The following TAF3 variants were observed in gnomAD, a reference collection of about 807,000 sequenced individuals.
TAF3 encodes transcription initiation factor TFIID subunit 3.
A neutral mutation model predicts 80.6 loss-of-function variants in TAF3; 7 were observed. The ratio of observed to expected loss-of-function variants is 0.09; its 90% CI spans 0.05 to 0.16. The LOEUF (loss-of-function observed/expected upper bound fraction) is 0.16. TAF3 is among the 10% of genes least tolerant of loss of function. TAF3 has a pLI of 1.00. For missense variants in TAF3, 921 were observed against 1,140.2 expected, an observed-to-expected ratio of 0.81 and a Z score of 2.77; for synonymous variants, 444 against 446.1, an observed-to-expected ratio of 1.00 and a Z score of 0.06.
chr10:7,916,376 C>T (rs773632806), intron 2 of TAF3, among the ~76,000 whole-genome samples: 8 of 152,218 alleles, frequency 5.3e-5, no homozygotes, highest in Non-Finnish European at 1.0e-4. Flanking sequence ...TGTAACTCAT[C>T]AGCGTCACAT....
intron 1 of TAF3, among the ~76,000 whole-genome samples, chr10:7,823,344 A>AG (rs1588512352): frequency 1.3e-5 from 2 of 152,146 alleles, no homozygotes; most frequent in East Asian, 3.9e-4. Context: ...TAAAAAAAAA[A>AG]AAAAGGCCAG....
chr10:8,012,880 A>C (rs929456650), intron 5 of TAF3, among the ~76,000 whole-genome samples: 2 of 152,220 alleles, frequency 1.3e-5, no homozygotes, highest in Non-Finnish European at 2.9e-5. Context: ...AACCGGATGC[A>C]ATAATGTGCT....
chr10:7,846,465 C>G (rs1372178284), intron 2 of TAF3, among the ~76,000 whole-genome samples: 1 of 152,086 alleles, frequency 6.6e-6, no homozygotes, highest in Non-Finnish European at 1.5e-5. Context: ...GGAAAGTGTT[C>G]TTAACCCTTG....
chr10:8,003,245 T>G (rs973456726), intron 4 of TAF3, among the ~76,000 whole-genome samples: 6 of 152,162 alleles, frequency 3.9e-5, no homozygotes, highest in African/African-American at 1.4e-4. Context: ...CAAGGTTTTT[T>G]TTTTATCGTT....
At chr10:7,961,215 A>G (rs1838186579) in intron 2 of TAF3, among the ~76,000 whole-genome samples, 1 of 152,186 alleles carries the variant, frequency 6.6e-6, no homozygotes, top group Admixed American at 6.5e-5. Context: ...GTCAATTCAG[A>G]TCTGGCGGAG....
At chr10:7,970,923 G>C (rs994289126) in intron 3 of TAF3, among the ~76,000 whole-genome samples, 1 of 152,014 alleles carries the variant, frequency 6.6e-6, no homozygotes, top group African/African-American at 2.4e-5. Flanking sequence ...ATCAGCTATT[G>C]TAATTAATTC....
chr10:7,874,539 A>C (rs990365544), intron 2 of TAF3, among the ~76,000 whole-genome samples: 11 of 152,118 alleles, frequency 7.2e-5, no homozygotes, highest in Non-Finnish European at 1.2e-4. Flanking sequence ...TCTGGCCTAA[A>C]TATATAAATA....
At chr10:7,824,627 C>A in intron 2 of TAF3, 67 bp downstream of exon 2, 2 of 1,520,194 alleles carry the variant, frequency 1.3e-6, no homozygotes, top group Non-Finnish European at 1.8e-6. Flanking sequence ...TCTTAGCTTT[C>A]CATGCTATGT....
intron 4 of TAF3, among the ~76,000 whole-genome samples, chr10:8,002,063 T>TTGC (rs1405968546): frequency 2.6e-5 from 4 of 152,228 alleles, no homozygotes; most frequent in Non-Finnish European, 5.9e-5. Flanking sequence ...CCTCCTCTTG[T>TTGC]TGATAACTTA....
chr10:7,848,982 C>T (rs1245251826), intron 2 of TAF3, among the ~76,000 whole-genome samples: 1 of 151,994 alleles, frequency 6.6e-6, no homozygotes, highest in Non-Finnish European at 1.5e-5. Context: ...TCAGCTTTGT[C>T]TTTCTGAATG....
intron 2 of TAF3, among the ~76,000 whole-genome samples, chr10:7,873,182 C>A (rs1837282556): frequency 6.6e-6 from 1 of 151,832 alleles, no homozygotes; most frequent in Non-Finnish European, 1.5e-5. Flanking sequence ...GTTTTTAAAT[C>A]TTTAATCGAT....
intron 2 of TAF3, among the ~76,000 whole-genome samples, chr10:7,834,615 T>G (rs1216974471): frequency 6.6e-6 from 1 of 152,210 alleles, no homozygotes; most frequent in Non-Finnish European, 1.5e-5. Flanking sequence ...GATTTTCCAA[T>G]TCATATTTAG....
rs115355481 is a variant in TAF3 at position 7,973,958 on chromosome 10, T to A, written c.2233-3283T>A. On this transcript the variant is annotated intron_variant, in intron 3 of 6. Coordinates refer to ENST00000344293, the MANE Select transcript of TAF3 (RefSeq NM_031923.4). The stretch of plus-strand genomic sequence containing the variant: ...CCCTAGCCAGCATGGTGAAACCCTG[T>A]CTCTAATACAAATACAAAAAGTAGC... Among the ~76,000 whole-genome samples, 1,156 of 151,966 alleles carry A rather than the reference T, an allele frequency of 7.6e-3. 18 individuals carry two copies. Among genetic ancestry groups the A allele is most frequent in the African/African-American group, 0.026 (1,093 of 41,446 alleles).
At chr10:8,001,806 C>G (rs1831945622) in intron 4 of TAF3, among the ~76,000 whole-genome samples, 1 of 152,108 alleles carries the variant, frequency 6.6e-6, no homozygotes, top group Admixed American at 6.6e-5. Flanking sequence ...TCCAACAAGT[C>G]ATAATTGAGC....
intron 2 of TAF3, among the ~76,000 whole-genome samples, chr10:7,948,279 A>C (rs1838046700): frequency 6.9e-6 from 1 of 145,780 alleles, no homozygotes; most frequent in Admixed American, 6.9e-5. Flanking sequence ...TTTTAGAGAC[A>C]AGATCTTTCT....
Position 7,993,468 on chromosome 10 carries a change from C to T in TAF3, c.2316-15610C>T, listed in dbSNP as rs1831853921. 1.3e-5 allele frequency among the ~76,000 whole-genome samples: 2 copies of T among 152,184 alleles called. 1 individual carries two copies. Among genetic ancestry groups the T allele is most frequent in the Admixed American group, 1.3e-4 (2 of 15,274 alleles). Reference sequence around the variant, plus strand: ...TGCTGAGATTATAGGCGTGAGCCACCATGCCCAGCCGCTTCCTTTTTGCCA... The same window carrying T: ...TGCTGAGATTATAGGCGTGAGCCACTATGCCCAGCCGCTTCCTTTTTGCCA... On this transcript the variant is annotated intron_variant, in intron 4 of 6. Transcript: ENST00000344293.
At chr10:7,996,346 A>G (rs1831887375) in intron 4 of TAF3, among the ~76,000 whole-genome samples, 1 of 152,166 alleles carries the variant, frequency 6.6e-6, no homozygotes, top group Admixed American at 6.5e-5. Flanking sequence ...GGCTGTCCCC[A>G]TAGAAGCCAC....
rs541090095 is a variant in TAF3, at chr10:7,895,703, T to A, written c.410-68217T>A. 4.7e-5 allele frequency among the ~76,000 whole-genome samples: 7 copies of A among 148,028 alleles called. No individual in the cohort carries two copies. The South Asian group carries it at 8.5e-4, about 18-fold the overall frequency. ...GAATGAGACTTTCCATTGCACACAT[T>A]TTTTTCCACTAATTGTGTGGCCTCT... On this transcript the variant is annotated intron_variant, in intron 2 of 6. Coordinates refer to ENST00000344293, the MANE Select transcript of TAF3 (RefSeq NM_031923.4).
chr10:7,915,123 G>A (rs2131183024), intron 2 of TAF3, among the ~76,000 whole-genome samples: 1 of 151,250 alleles, frequency 6.6e-6, no homozygotes, highest in African/African-American at 2.4e-5. Context: ...TGTATTTTTA[G>A]TAGAGACGGG....
Sources: gnomAD v4.1 joint callset for allele counts (sites outside exome capture counted in the v4.1 genomes callset) on GRCh38, gnomAD v4.1.1 for gene constraint, MANE v1.5 for transcripts, NCBI Gene and HGNC (gene_info 2026-07-23, HGNC 2026-07-21) for gene names.